Variants in GRHL2 observed in about 807,000 individuals in gnomAD.
The protein encoded by GRHL2 is grainyhead like transcription factor 2, also known as grainyhead-like protein 2 homolog.
In GRHL2, 21 loss-of-function variants were observed where a neutral mutation model predicts 83.8. The ratio of observed to expected loss-of-function variants is 0.25; its 90% CI spans 0.18 to 0.36. The LOEUF (loss-of-function observed/expected upper bound fraction) is 0.36, where lower values mean the gene tolerates loss of function less well. GRHL2 is among the 10% of genes least tolerant of loss of function. The pLI, the probability that GRHL2 is intolerant of heterozygous loss-of-function variation, is 1.00. For synonymous variants in GRHL2, 280 were observed against 278.9 expected, an observed-to-expected ratio of 1.00 and a Z score of -0.04; for missense variants, 623 against 781.8, an observed-to-expected ratio of 0.80 and a Z score of 2.42.
intron 7 of GRHL2, among the ~76,000 whole-genome samples, chr8:101,582,961 T>C (rs1444493882): frequency 6.6e-6 from 1 of 152,206 alleles, no homozygotes; most frequent in Non-Finnish European, 1.5e-5. Context: ...ATCCAAGATG[T>C]GTAAGAGAGG....
chr8:101,619,706 AGAT>A lies in GRHL2; in HGVS notation c.1257+12_1257+14del. On this transcript the variant is annotated intron_variant, in intron 9 of 15. Coordinates refer to ENST00000646743, the MANE Select transcript of GRHL2 (RefSeq NM_024915.4). ...AGGTCTTCTGTGACAAAGTGAGTAAAGATGACAGTTTTTTATAAAGGTATCTTT... is the reference window on the plus strand; with the variant it reads ...AGGTCTTCTGTGACAAAGTGAGTAAAGACAGTTTTTTATAAAGGTATCTTT... The A allele has an allele frequency of 6.2e-7, 1 of 1,605,106 alleles. No individual in the cohort carries two copies. Among genetic ancestry groups the A allele is most frequent in the Non-Finnish European group, 8.5e-7 (1 of 1,172,100 alleles).
chr8:101,585,124 A>G lies in GRHL2; in HGVS notation c.1003+7605A>G, dbSNP rs547392915. On this transcript the variant is annotated intron_variant, in intron 7 of 15. Coordinates refer to ENST00000646743, the MANE Select transcript of GRHL2 (RefSeq NM_024915.4). Reference sequence around the variant, plus strand: ...TCACGTAGTGTGAATTTGTGGCCCAAACAGGCCTGGGAGACAAGAGCACCA... The same window carrying G: ...TCACGTAGTGTGAATTTGTGGCCCAGACAGGCCTGGGAGACAAGAGCACCA... Among the ~76,000 whole-genome samples, 24 of 152,340 alleles carry G rather than the reference A, an allele frequency of 1.6e-4. No individual in the cohort carries two copies. In the South Asian group the frequency reaches 4.8e-3, roughly 30 times the overall value.
intron 3 of GRHL2, among the ~76,000 whole-genome samples, chr8:101,557,514 G>A (rs1014067414): frequency 6.6e-6 from 1 of 151,904 alleles, no homozygotes; most frequent in Admixed American, 6.6e-5. Context: ...GTGAGTCACC[G>A]CACCTGACAA....
rs536807009 is a variant in GRHL2, at chr8:101,599,073, C to A, written c.1020C>A (p.Ser340Arg). 2 of 1,612,270 alleles carry A rather than the reference C, an allele frequency of 1.2e-6. No homozygotes were observed. The highest frequency in any genetic ancestry group is 1.7e-6 in the Non-Finnish European group (2 of 1,178,428). Residue 340 changes from serine to arginine, a missense_variant, in exon 8 of 16, where the codon AGC becomes AGA. This residue lies in a region of GRHL2 where 96 missense variants were observed against 144.8 expected (regional missense o/e 0.66). Transcript: ENST00000646743. ...RVLDIADYKESFNTIGNIEEI... is the reference protein window; with the variant it reads ...RVLDIADYKERFNTIGNIEEI... ...ATGTTACAGCCGATTACAAGGAGAG[C>A]TTTAATACGATTGGAAACATTGAAG...
At chr8:101,657,592 G>A (rs548266731) in intron 14 of GRHL2, among the ~76,000 whole-genome samples, 5 of 152,310 alleles carry the variant, frequency 3.3e-5, no homozygotes, top group Admixed American at 1.3e-4. Context: ...TGTAATCCCA[G>A]CACTCTGGGA....
At chr8:101,540,736 T>C (rs1215147878) in intron 1 of GRHL2, among the ~76,000 whole-genome samples, 1 of 152,220 alleles carries the variant, frequency 6.6e-6, no homozygotes, top group Non-Finnish European at 1.5e-5. Flanking sequence ...TGAGGAACCA[T>C]CTACCATTAG....
Position 101,644,170 on chromosome 8 carries a change from AGAG to A in GRHL2, c.1561_1563del (p.Glu521del), listed in dbSNP as rs781737633. ...TTAAACGGATGTTCCGGCCCATGGA[AGAG>A]GAGTTTGGTCCAGTGCCTTCAAAGC... On this transcript the variant is annotated inframe_deletion, in exon 13 of 16. Transcript: ENST00000646743. 1 of 1,614,164 alleles carries A rather than the reference AGAG, an allele frequency of 6.2e-7. No homozygotes were observed. Among genetic ancestry groups the A allele is most frequent in the Non-Finnish European group, 8.5e-7 (1 of 1,180,016 alleles).
chr8:101,623,401 C>T (rs902962774), intron 9 of GRHL2, among the ~76,000 whole-genome samples: 5 of 151,540 alleles, frequency 3.3e-5, no homozygotes, highest in Non-Finnish European at 5.9e-5. Flanking sequence ...CCCAGTAGGA[C>T]AGTACACAGT....
At chr8:101,611,625 C>T (rs1443972201) in intron 8 of GRHL2, among the ~76,000 whole-genome samples, 2 of 150,870 alleles carry the variant, frequency 1.3e-5, no homozygotes, top group East Asian at 1.9e-4. Flanking sequence ...ATGCTCTCTA[C>T]TACTGAACAC....
At chr8:101,664,093 C>T (rs1248645681) in intron 14 of GRHL2, among the ~76,000 whole-genome samples, 1 of 152,112 alleles carries the variant, frequency 6.6e-6, no homozygotes, top group Non-Finnish European at 1.5e-5. Flanking sequence ...AATCTTTGAT[C>T]TGTATCAAAT....
chr8:101,525,866 A>G (rs1349465645), intron 1 of GRHL2, among the ~76,000 whole-genome samples: 1 of 152,192 alleles, frequency 6.6e-6, no homozygotes, highest in Non-Finnish European at 1.5e-5. Flanking sequence ...GCTACTCGGG[A>G]GGCTGAGGCA....
In GRHL2 at chr8:101,613,287, C is replaced by A. The variant is rs60548684; in HGVS notation, c.1099-6252C>A. On this transcript the variant is annotated intron_variant, in intron 8 of 15. Transcript: ENST00000646743. Reference sequence around the variant, plus strand: ...CATAACCGCAGAATTGAGAGGAAAACATAAATATTTTATCAGGAAGAAAGG... The same window carrying A: ...CATAACCGCAGAATTGAGAGGAAAAAATAAATATTTTATCAGGAAGAAAGG... Among the ~76,000 whole-genome samples the A allele has an allele frequency of 2.4e-3, 363 of 150,714 alleles. 9 individuals are homozygous for A. In the East Asian group the frequency reaches 0.057, roughly 24 times the overall value.
chr8:101,613,386 G>A (rs1053737815), intron 8 of GRHL2, among the ~76,000 whole-genome samples: 2 of 150,758 alleles, frequency 1.3e-5, no homozygotes, highest in Non-Finnish European at 2.9e-5. Flanking sequence ...TGAAATCTAG[G>A]CATTTCTTAT....
At chr8:101,564,812 C>A (rs868379285) in intron 4 of GRHL2, among the ~76,000 whole-genome samples, 2,083 of 109,640 alleles carry the variant, frequency 0.019, no homozygotes, top group Middle Eastern at 0.023. Context: ...GCCCTGTCTC[C>A]AAAAAAAAAA....
intron 1 of GRHL2, among the ~76,000 whole-genome samples, chr8:101,512,437 T>A (rs1249771181): frequency 4.6e-5 from 7 of 152,240 alleles, no homozygotes. Flanking sequence ...ATCTTTTTGG[T>A]ACTATTTTAA....
chr8:101,505,726 T>A (rs1216335300), intron 1 of GRHL2, among the ~76,000 whole-genome samples: 1 of 152,234 alleles, frequency 6.6e-6, no homozygotes, highest in Admixed American at 6.5e-5. Context: ...TTGTATCATA[T>A]TCAGCCACAT....
At chr8:101,574,160 A>G (rs11787301) in intron 6 of GRHL2, among the ~76,000 whole-genome samples, 38,317 of 152,118 alleles carry the variant, frequency 0.25, 4,951 homozygotes, top group South Asian at 0.33. Flanking sequence ...GTAAGTCAGA[A>G]CCCCTCTGTG....
At chr8:101,563,446 T>G (rs1811649011) in intron 4 of GRHL2, among the ~76,000 whole-genome samples, 1 of 152,088 alleles carries the variant, frequency 6.6e-6, no homozygotes, top group Non-Finnish European at 1.5e-5. Context: ...AGAGCAACTG[T>G]TGTATACTAG....
intron 1 of GRHL2, among the ~76,000 whole-genome samples, chr8:101,513,683 CAG>C (rs1454527561): frequency 6.6e-6 from 1 of 151,592 alleles, no homozygotes; most frequent in Non-Finnish European, 1.5e-5. Context: ...TTAGTAAAGA[CAG>C]GGGTTTCACC....
Sources: gnomAD v4.1 joint callset for allele counts (sites outside exome capture counted in the v4.1 genomes callset) on GRCh38, gnomAD v4.1.1 for gene constraint, gnomAD v4.1.1 regional missense constraint, MANE v1.5 for transcripts, NCBI Gene and HGNC (gene_info 2026-07-23, HGNC 2026-07-21) for gene names.